Variants in RSPH4A observed in about 807,000 individuals in gnomAD.
The protein encoded by RSPH4A is radial spoke head component 4A, also known as radial spoke head protein 4 homolog A.
Under a neutral mutation model 71.0 loss-of-function variants are expected in RSPH4A, and 47 were observed. The ratio of observed to expected loss-of-function variants is 0.66; its 90% CI spans 0.52 to 0.84. The LOEUF (loss-of-function observed/expected upper bound fraction) is 0.84, where lower values mean the gene tolerates loss of function less well. Ranked by LOEUF, RSPH4A falls within the 40% of genes least tolerant of loss-of-function variation. The probability of loss-of-function intolerance (pLI) is 0.00; values close to 1 mark genes in which losing one functional copy is unlikely to be tolerated. For synonymous variants in RSPH4A, 282 were observed against 302.3 expected (o/e 0.93, Z 0.70); for missense variants, 793 against 855.2 (o/e 0.93, Z 0.91).
intron 3 of RSPH4A, among the ~76,000 whole-genome samples, chr6:116,628,726 AAT>A (rs916456942): frequency 7.9e-5 from 12 of 152,324 alleles, no homozygotes; most frequent in Admixed American, 6.5e-4. Context: ...TAATTTTGAA[AAT>A]AGTTCTTTAA....
chr6:116,618,885 C>T (rs1775556567), intron 1 of RSPH4A, among the ~76,000 whole-genome samples: 1 of 152,206 alleles, frequency 6.6e-6, no homozygotes, highest in African/African-American at 2.4e-5. Context: ...AAGCCCCAGG[C>T]TGATTAACCT....
intron 1 of RSPH4A, among the ~76,000 whole-genome samples, chr6:116,620,091 A>G (rs1370950407): frequency 6.6e-6 from 1 of 152,212 alleles, no homozygotes; most frequent in Non-Finnish European, 1.5e-5. Context: ...AGTGGACTCT[A>G]CTTGAATTTC....
At position 116,632,550 on chromosome 6, in the gene RSPH4A, A is replaced by G; in HGVS notation, c.*109A>G. 7.3e-7 allele frequency: 1 copy of G among 1,361,842 alleles called. No individual in the cohort carries two copies. Among genetic ancestry groups the G allele is most frequent in the Non-Finnish European group, 9.9e-7 (1 of 1,007,866 alleles). 84.4% of individuals were successfully genotyped at this position (1,361,842 alleles called of 1,614,324 possible). On this transcript the variant is annotated 3_prime_UTR_variant, in exon 6 of 6. Transcript: ENST00000229554. ...ATGTGTGTATATACATACACATGTA[A>G]GAAATTATTCAACTGCAAAATCTCA... is the stretch of plus-strand genomic sequence containing the variant.
At position 116,628,124 on chromosome 6, in the gene RSPH4A, T is replaced by C; in HGVS notation, c.1417T>C (p.Tyr473His). The C allele has an allele frequency of 6.2e-7, 1 of 1,614,220 alleles. No individual in the cohort carries two copies. The highest frequency in any genetic ancestry group is 8.5e-7 in the Non-Finnish European group (1 of 1,180,040). ...GCGATTGGATGCTCCCATCATAAGCTACCCACCTTTCCCAGGAAATGAGAG... is the reference window on the plus strand; with the variant it reads ...GCGATTGGATGCTCCCATCATAAGCCACCCACCTTTCCCAGGAAATGAGAG... Reference protein sequence around the residue: ...TGRLDAPIISYPPFPGNESNY... With the variant: ...TGRLDAPIISHPPFPGNESNY... The change falls in exon 3 of 6, where the codon TAC becomes CAC. Residue 473 changes from tyrosine to histidine, a missense_variant. Coordinates refer to ENST00000229554, the MANE Select transcript of RSPH4A (RefSeq NM_001010892.3).
chr6:116,618,988 A>G (rs150760021), intron 1 of RSPH4A, among the ~76,000 whole-genome samples: 134 of 152,352 alleles, frequency 8.8e-4, no homozygotes, highest in African/African-American at 3.1e-3. Flanking sequence ...AACTCAGGGA[A>G]ACACTAATGA....
At position 116,630,578 on chromosome 6, in the gene RSPH4A, C is replaced by T. The variant is rs368094812; in HGVS notation, c.1916+26C>T. The T allele has an allele frequency of 4.8e-6, 5 of 1,046,094 alleles. No individual in the cohort carries two copies. In the African/African-American group the frequency reaches 6.4e-5, roughly 13 times the overall value. The allele number at this position is 1,046,094 out of a possible 1,614,324, so 64.8% of individuals were successfully genotyped here. On this transcript the variant is annotated intron_variant, in intron 5 of 5. Transcript: ENST00000229554. ...GTAAGTATCTGACCACTTACAAAGC[C>T]ATTTCTGTGATTAGTTAAGCTCTGG...
intron 2 of RSPH4A, among the ~76,000 whole-genome samples, chr6:116,626,844 A>G (rs1455314433): frequency 1.3e-5 from 2 of 152,172 alleles, no homozygotes; most frequent in Non-Finnish European, 2.9e-5. Flanking sequence ...CATACATTAC[A>G]TTATACAGGA....
intron 5 of RSPH4A, among the ~76,000 whole-genome samples, chr6:116,631,553 A>G (rs1775804772): frequency 6.6e-6 from 1 of 152,184 alleles, no homozygotes; most frequent in Non-Finnish European, 1.5e-5. Context: ...TAGAAGTGAA[A>G]AAGTGCTGAG....
rs775630196 is a variant in RSPH4A at position 116,617,361 on chromosome 6, T to C, written c.686+52T>C. On this transcript the variant is annotated intron_variant, in intron 1 of 5. Coordinates refer to ENST00000229554, the MANE Select transcript of RSPH4A (RefSeq NM_001010892.3). Reference sequence around the variant, plus strand: ...ATGTTTGGCAAAGCAAGAGGGTGTGTGAGTATCTCTGTGTGAGAGTGTGTT... The same window carrying C: ...ATGTTTGGCAAAGCAAGAGGGTGTGCGAGTATCTCTGTGTGAGAGTGTGTT... The C allele has an allele frequency of 1.1e-5, 14 of 1,284,268 alleles. No individual in the cohort carries two copies. In the African/African-American group the frequency reaches 1.8e-4, roughly 16 times the overall value. 79.6% of individuals were successfully genotyped at this position (1,284,268 alleles called of 1,614,324 possible).
rs781780861 is a variant in RSPH4A, at chr6:116,616,909, C to G, written c.286C>G (p.Pro96Ala). 3 of 1,614,102 alleles carry G rather than the reference C, an allele frequency of 1.9e-6. No homozygotes were observed. Among genetic ancestry groups the G allele is most frequent in the Non-Finnish European group, 2.5e-6 (3 of 1,180,052 alleles). ...SPREPSSSPS[P>A]LAPARQDLAA... ...GCGGGAGCCCTCTTCCTCTCCTTCT[C>G]CCCTGGCTCCGGCCAGACAAGACCT... The change falls in exon 1 of 6, where the codon CCC becomes GCC. Residue 96 changes from proline to alanine, a missense_variant. Physicochemically the swap from Pro to Ala is conservative, Grantham distance 27. Transcript: ENST00000229554.
chr6:116,631,495 G>T (rs527270806), intron 5 of RSPH4A, among the ~76,000 whole-genome samples: 1 of 152,254 alleles, frequency 6.6e-6, no homozygotes, highest in South Asian at 2.1e-4. Context: ...TCCTCAAACG[G>T]CTCCTGCAGT....
At chr6:116,618,544 A>G (rs139952350) in intron 1 of RSPH4A, among the ~76,000 whole-genome samples, 79 of 152,322 alleles carry the variant, frequency 5.2e-4, no homozygotes, top group African/African-American at 1.7e-3. Context: ...AGACGGAGCC[A>G]GCTCTGTCGC....
rs539620297 is a variant in RSPH4A at position 116,632,482 on chromosome 6, C to T, written c.*41C>T. The stretch of plus-strand genomic sequence containing the variant: ...CCTGGTTTTATGTGACACTGATACA[C>T]ACACACCCCTTATATGGGACTAATT... On this transcript the variant is annotated 3_prime_UTR_variant, in exon 6 of 6. Transcript: ENST00000229554. 3 of 1,571,490 alleles carry T rather than the reference C, an allele frequency of 1.9e-6. No homozygotes were observed. The highest frequency in any genetic ancestry group is 2.3e-5 in the East Asian group (1 of 43,542).
chr6:116,620,255 T>C (rs1775581020), intron 1 of RSPH4A, among the ~76,000 whole-genome samples: 1 of 152,248 alleles, frequency 6.6e-6, no homozygotes, highest in Admixed American at 6.5e-5. Context: ...TTGAATTATT[T>C]TATAATTGAT....
chr6:116,630,936 C>T (rs906208358), intron 5 of RSPH4A, among the ~76,000 whole-genome samples: 5 of 150,330 alleles, frequency 3.3e-5, no homozygotes, highest in Admixed American at 6.6e-5. Context: ...TGATCCGCCC[C>T]GCCTCAGCAT....
chr6:116,625,258 A>T (rs1775676306), intron 2 of RSPH4A, among the ~76,000 whole-genome samples: 1 of 152,196 alleles, frequency 6.6e-6, no homozygotes, highest in African/African-American at 2.4e-5. Flanking sequence ...GTAATATTTC[A>T]TTTGGGCCAT....
At chr6:116,630,847 A>ATTTTTTTTT (rs10694358) in intron 5 of RSPH4A, among the ~76,000 whole-genome samples, 142 of 87,332 alleles carry the variant, frequency 1.6e-3, no homozygotes, top group African/African-American at 4.2e-3. Context: ...TAATTTTTGT[A>ATTTTTTTTT]TTTTTTTTTT....
At chr6:116,618,251 A>G (rs933818382) in intron 1 of RSPH4A, among the ~76,000 whole-genome samples, 16 of 152,202 alleles carry the variant, frequency 1.1e-4, no homozygotes, top group African/African-American at 3.9e-4. Context: ...CTCAGCTTCC[A>G]TGGAACACTA....
Position 116,622,924 on chromosome 6 carries a change from T to C in RSPH4A, c.843T>C (p.Tyr281=), listed in dbSNP as rs757251908. ...LQNENELLPT[Y]EIAEKQKALF... is the part of the protein sequence containing the mutation. ...ATGAGAATGAGTTGCTTCCAACATA[T>C]GAAATAGCAGAAAAGCAAAAGGCTC... The change falls in exon 2 of 6, where the codon TAT becomes TAC. Residue 281 remains tyrosine (Y), a synonymous_variant. Transcript: ENST00000229554. 1.9e-6 allele frequency: 3 copies of C among 1,613,960 alleles called. No homozygotes were observed. The highest frequency in any genetic ancestry group is 2.5e-6 in the Non-Finnish European group (3 of 1,179,902).
Sources: allele counts gnomAD v4.1 joint callset (sites outside exome capture counted in the v4.1 genomes callset), GRCh38; gene constraint gnomAD v4.1.1; transcripts MANE v1.5; gene names NCBI Gene and HGNC (gene_info 2026-07-23, HGNC 2026-07-21).